Variants in KCNK2 observed in about 807,000 individuals in gnomAD.
KCNK2 encodes potassium two pore domain channel subfamily K member 2.
In KCNK2, 21 loss-of-function variants were observed where a neutral mutation model predicts 40.5. The ratio of observed to expected loss-of-function variants is 0.52; its 90% CI spans 0.37 to 0.75. The LOEUF is 0.75. Among genes scored for constraint, KCNK2 ranks in the 30% least tolerant of loss-of-function variants. The pLI is 0.00. For missense variants in KCNK2, 399 were observed against 531.6 expected (o/e 0.75, Z 2.45); for synonymous variants, 191 against 202.2 (o/e 0.94, Z 0.47).
intron 5 of KCNK2, among the ~76,000 whole-genome samples, chr1:215,174,214 T>G (rs1237613184): frequency 6.6e-6 from 1 of 152,170 alleles, no homozygotes; most frequent in Admixed American, 6.5e-5. Context: ...CCAGCACCAT[T>G]TATTAAATAG....
In KCNK2 at chr1:215,007,149, A is replaced by G. The variant is rs866228332; in HGVS notation, c.34+1194A>G. On this transcript the variant is annotated intron_variant, in intron 1 of 6. Transcript: ENST00000391895. Reference sequence around the variant, plus strand: ...TATATATGTGTATATATATGTGTATATATATATGTATGTATATATATATGT... The same window carrying G: ...TATATATGTGTATATATATGTGTATGTATATATGTATGTATATATATATGT... Among the ~76,000 whole-genome samples the G allele has an allele frequency of 4.6e-3, 557 of 120,592 alleles. 29 individuals carry two copies. The highest frequency in any genetic ancestry group is 0.019 in the African/African-American group (525 of 27,940). The allele number at this position is 120,592 out of a possible 152,430, so 79.1% of individuals were successfully genotyped here. A position where few individuals can be genotyped will look rare whatever the true frequency, so the allele number is the denominator to read the frequency against.
intron 5 of KCNK2, among the ~76,000 whole-genome samples, chr1:215,181,083 G>A (rs1036768570): frequency 6.6e-6 from 1 of 151,606 alleles, no homozygotes; most frequent in African/African-American, 2.4e-5. Flanking sequence ...CTTTATTTTT[G>A]TCTGACTGTG....
chr1:215,107,550 A>G (rs2102558264), intron 2 of KCNK2, among the ~76,000 whole-genome samples: 1 of 152,240 alleles, frequency 6.6e-6, no homozygotes, highest in East Asian at 1.9e-4. Context: ...CCTAAGGGGT[A>G]TATGTGAAGT....
intron 1 of KCNK2, among the ~76,000 whole-genome samples, chr1:215,048,653 GA>G (rs1257708885): frequency 2.0e-5 from 3 of 152,118 alleles, no homozygotes; most frequent in African/African-American, 7.2e-5. Context: ...ATAATATCCA[GA>G]GTAAATTGTA....
At chr1:215,123,082 TAGC>T (rs1219147527) in intron 2 of KCNK2, among the ~76,000 whole-genome samples, 1 of 152,164 alleles carries the variant, frequency 6.6e-6, no homozygotes, top group Non-Finnish European at 1.5e-5. Flanking sequence ...ACTTTATTCC[TAGC>T]AATCTCTCCT....
At chr1:215,182,901 C>A (rs1185722271) in intron 5 of KCNK2, among the ~76,000 whole-genome samples, 1 of 152,148 alleles carries the variant, frequency 6.6e-6, no homozygotes, top group Admixed American at 6.5e-5. Flanking sequence ...GAGAAACAAG[C>A]TTTCTCCCTT....
At chr1:215,079,315 G>A (rs1034540263), upstream of KCNK2, among the ~76,000 whole-genome samples, 1 of 152,150 alleles carries the variant, frequency 6.6e-6, no homozygotes, top group African/African-American at 2.4e-5. Context: ...AGGTTGGATT[G>A]ATTCACAGTT....
intron 1 of KCNK2, 149 bp downstream of exon 1, chr1:215,083,580 T>A: frequency 1.5e-6 from 1 of 659,952 alleles, no homozygotes; most frequent in Non-Finnish European, 2.7e-6. Flanking sequence ...TAATCTGGAT[T>A]TGGAGGCAAA....
intron 5 of KCNK2, among the ~76,000 whole-genome samples, chr1:215,175,608 C>A: frequency 6.6e-6 from 1 of 152,174 alleles, no homozygotes; most frequent in South Asian, 2.1e-4. Flanking sequence ...AGGTACCAAG[C>A]TTAGTACCCA....
At chr1:215,060,931 G>A (rs1016758669) in intron 1 of KCNK2, among the ~76,000 whole-genome samples, 23 of 152,038 alleles carry the variant, frequency 1.5e-4, no homozygotes, top group African/African-American at 4.8e-4. Flanking sequence ...TTCTAAGTAA[G>A]TTTTCTGATT....
At chr1:215,160,265 G>A (rs1663133019) in intron 3 of KCNK2, among the ~76,000 whole-genome samples, 1 of 152,156 alleles carries the variant, frequency 6.6e-6, no homozygotes, top group African/African-American at 2.4e-5. Flanking sequence ...GGATAAAATG[G>A]CATGATGTCT....
rs572286235 is a variant in KCNK2, at chr1:215,191,922, A to C, written c.824-3031A>C. Among the ~76,000 whole-genome samples, 3 of 152,236 alleles carry C rather than the reference A, an allele frequency of 2.0e-5. No homozygotes were observed. In the South Asian group the frequency reaches 6.2e-4, roughly 32 times the overall value. On this transcript the variant is annotated intron_variant, in intron 5 of 6. Transcript: ENST00000444842. ...GGAAAGAGAAAAAACAGAGCGTGGGAGACAGGGGCAGTGGCCCTGTCAATA... is the reference window on the plus strand; with the variant it reads ...GGAAAGAGAAAAAACAGAGCGTGGGCGACAGGGGCAGTGGCCCTGTCAATA...
intron 6 of KCNK2, among the ~76,000 whole-genome samples, chr1:215,212,808 T>C (rs1665795285): frequency 1.3e-5 from 2 of 152,228 alleles, no homozygotes; most frequent in African/African-American, 4.8e-5. Context: ...TTAGAGATGA[T>C]GTATCTGAGA....
Position 215,236,983 on chromosome 1 carries a change from A to C in KCNK2, c.*1838A>C, listed in dbSNP as rs1666925332. On this transcript the variant is annotated 3_prime_UTR_variant, in exon 7 of 7. Transcript: ENST00000444842. ...TAGAAAGTCAGGCTCTTTTAGAAAG[A>C]AAGCTACACCCATTTCCTCAAATAA... is the stretch of plus-strand genomic sequence containing the variant. The C allele has an allele frequency of 6.6e-6, 1 of 152,624 alleles. No individual in the cohort carries two copies. Among genetic ancestry groups the C allele is most frequent in the Non-Finnish European group, 1.5e-5 (1 of 68,036 alleles). 9.5% of individuals were successfully genotyped at this position (152,624 alleles called of 1,614,324 possible).
intron 2 of KCNK2, among the ~76,000 whole-genome samples, chr1:215,120,381 T>G (rs1571634977): frequency 6.6e-6 from 1 of 152,230 alleles, no homozygotes; most frequent in Non-Finnish European, 1.5e-5. Context: ...TGTATGTTTC[T>G]TCTTTTCTAT....
chr1:215,177,121 G>C lies in KCNK2; in HGVS notation c.823+4938G>C, dbSNP rs535699512. 6.6e-5 allele frequency among the ~76,000 whole-genome samples: 10 copies of C among 151,948 alleles called. No homozygotes were observed. The South Asian group carries it at 1.9e-3, about 28-fold the overall frequency. On this transcript the variant is annotated intron_variant, in intron 5 of 6. Coordinates refer to ENST00000444842, the MANE Select transcript of KCNK2 (RefSeq NM_001017425.3). ...TGAGTTTTTTTTCATATGTTTCTTG[G>C]CCACATGAATGTCTTCTTTTGAGAA...
chr1:215,017,062 T>C (rs992972561), intron 1 of KCNK2, among the ~76,000 whole-genome samples: 5 of 152,034 alleles, frequency 3.3e-5, no homozygotes, highest in Non-Finnish European at 7.4e-5. Flanking sequence ...CCTATCAGAA[T>C]GGCTATTATC....
At chr1:215,043,813 T>C (rs535913331) in intron 1 of KCNK2, among the ~76,000 whole-genome samples, 4 of 152,290 alleles carry the variant, frequency 2.6e-5, no homozygotes, top group Non-Finnish European at 5.9e-5. Flanking sequence ...TATATATATT[T>C]TACCACAATA....
rs140097068 is a variant in KCNK2, at chr1:215,059,994, A to G, written c.35-26374A>G. Among the ~76,000 whole-genome samples the G allele has an allele frequency of 8.1e-4, 123 of 152,310 alleles. 1 individual carries two copies. The highest frequency in any genetic ancestry group is 2.6e-3 in the African/African-American group (107 of 41,566). ...TGGGGCTTCCGATGCAGTTGACGGC[A>G]CATCAGCATGGCCAGGGACATGGAG... On this transcript the variant is annotated intron_variant, in intron 1 of 6. Transcript: ENST00000391895.
Sources: allele counts gnomAD v4.1 joint callset (sites outside exome capture counted in the v4.1 genomes callset), GRCh38; gene constraint gnomAD v4.1.1; transcripts MANE v1.5; gene names NCBI Gene and HGNC (gene_info 2026-07-23, HGNC 2026-07-21).